The following DAB1 variants were observed in gnomAD, a reference collection of about 807,000 sequenced individuals.
DAB1 encodes DAB adaptor protein 1.
DAB1 carries 15 observed loss-of-function variants against 64.6 expected under a neutral mutation model. The ratio of observed to expected loss-of-function variants is 0.23; its 90% CI spans 0.16 to 0.36. The LOEUF (loss-of-function observed/expected upper bound fraction) is 0.36, where lower values mean the gene tolerates loss of function less well. Among genes scored for constraint, DAB1 ranks in the 10% least tolerant of loss-of-function variants. The pLI is 1.00. For missense variants in DAB1, 596 were observed against 706.7 expected (o/e 0.84, Z 1.78); for synonymous variants, 235 against 251.9 (o/e 0.93, Z 0.64).
chr1:57,764,648 T>C (rs1408139), intron 6 of DAB1, among the ~76,000 whole-genome samples: 30,613 of 152,088 alleles, frequency 0.2, 4,155 homozygotes, highest in East Asian at 0.5. Flanking sequence ...ATCAGTGGTT[T>C]TTAGCTTCCA....
At chr1:58,372,606 T>A (rs574719068) in intron 3 of DAB1, among the ~76,000 whole-genome samples, 2 of 152,278 alleles carry the variant, frequency 1.3e-5, no homozygotes, top group Admixed American at 6.5e-5. Context: ...AGAAGAATAA[T>A]ATGGTTTGTC....
At chr1:57,734,295 C>G (rs1647578453) in intron 6 of DAB1, among the ~76,000 whole-genome samples, 1 of 152,186 alleles carries the variant, frequency 6.6e-6, no homozygotes, top group Non-Finnish European at 1.5e-5. Flanking sequence ...AAAAGTCATA[C>G]CTTCCCCAGC....
Position 58,425,885 on chromosome 1 carries a change from G to C in DAB1, n.257+80175C>G, listed in dbSNP as rs1644817497. ...GCCCCAACCCTGAGGATGAGTGGGA[G>C]GCGAGAAATAAGAGACACAAAGTGC... On this transcript the variant is annotated intron_variant and non_coding_transcript_variant, in intron 3 of 20. Coordinates refer to the DAB1 transcript ENST00000485760. Among the ~76,000 whole-genome samples, 9 of 151,978 alleles carry C rather than the reference G, an allele frequency of 5.9e-5. No homozygotes were observed. The South Asian group carries it at 1.9e-3, about 32-fold the overall frequency.
intron 2 of DAB1, among the ~76,000 whole-genome samples, chr1:57,282,437 G>T (rs115305200): frequency 4.6e-5 from 7 of 152,064 alleles, no homozygotes; most frequent in African/African-American, 1.7e-4. Flanking sequence ...TATGCTGCCA[G>T]GGTTACAGTA....
intron 4 of DAB1, among the ~76,000 whole-genome samples, chr1:58,288,839 T>A (rs987050542): frequency 1.3e-5 from 2 of 152,200 alleles, no homozygotes; most frequent in Admixed American, 1.3e-4. Context: ...CTTAGACTTT[T>A]ATTGCTAAAG....
intron 4 of DAB1, among the ~76,000 whole-genome samples, chr1:58,246,799 A>C (rs1660555404): frequency 6.6e-6 from 1 of 151,948 alleles, no homozygotes; most frequent in South Asian, 2.1e-4. Flanking sequence ...GTGTGAATGT[A>C]ATGCGTACGC....
chr1:57,715,837 A>G (rs964902274), intron 6 of DAB1, among the ~76,000 whole-genome samples: 1 of 152,240 alleles, frequency 6.6e-6, no homozygotes, highest in Non-Finnish European at 1.5e-5. Flanking sequence ...GAAAATTAAT[A>G]TTGTTAACAA....
chr1:57,698,246 C>T (rs1356907946), intron 6 of DAB1, among the ~76,000 whole-genome samples: 4 of 149,966 alleles, frequency 2.7e-5, no homozygotes, highest in Non-Finnish European at 5.9e-5. Flanking sequence ...ACCACCATGC[C>T]CTCTAACTTT....
chr1:58,361,863 CTT>C (rs34029239), intron 3 of DAB1, among the ~76,000 whole-genome samples: 104 of 84,034 alleles, frequency 1.2e-3, no homozygotes, highest in African/African-American at 4.1e-3. Context: ...AAAGATCCCC[CTT>C]TTTTTTTTTT....
intron 2 of DAB1, among the ~76,000 whole-genome samples, chr1:57,231,710 T>C (rs1407666064): frequency 1.3e-5 from 2 of 152,234 alleles, no homozygotes; most frequent in Admixed American, 1.3e-4. Context: ...TAGTAAGTGA[T>C]GGTATCAGCT....
chr1:58,474,496 C>T (rs1218785825), intron 3 of DAB1, among the ~76,000 whole-genome samples: 1 of 152,036 alleles, frequency 6.6e-6, no homozygotes, highest in Non-Finnish European at 1.5e-5. Context: ...AGCTGGTGGC[C>T]CATGTGACTT....
chr1:58,180,281 C>CTTTTTTTTTTTTCTTTTTTTTTTTTTTTT (rs1656710462), intron 4 of DAB1, among the ~76,000 whole-genome samples: 1 of 61,002 alleles, frequency 1.6e-5, no homozygotes, highest in African/African-American at 7.1e-5. Flanking sequence ...TTTTTCTTTT[C>CTTTTTTTTTTTTCTTTTTTTTTTTTTTTT]TTTTTTTTTT....
intron 1 of DAB1, among the ~76,000 whole-genome samples, chr1:57,302,094 T>C (rs1341063654): frequency 6.6e-6 from 1 of 152,198 alleles, no homozygotes; most frequent in Non-Finnish European, 1.5e-5. Context: ...TACTGTAAAA[T>C]GGATACATGG....
At chr1:57,223,543 A>G (rs1667040245) in intron 2 of DAB1, among the ~76,000 whole-genome samples, 1 of 152,172 alleles carries the variant, frequency 6.6e-6, no homozygotes, top group Admixed American at 6.5e-5. Flanking sequence ...TACGTACATC[A>G]TTAAGTAGAA....
chr1:57,327,068 A>G (rs779964677), intron 1 of DAB1, among the ~76,000 whole-genome samples: 2 of 152,228 alleles, frequency 1.3e-5, no homozygotes, highest in South Asian at 2.1e-4. Context: ...CCCCCTGAGT[A>G]TCTGGGACTA....
intron 2 of DAB1, among the ~76,000 whole-genome samples, chr1:58,511,946 C>G (rs1646084188): frequency 6.6e-6 from 1 of 152,024 alleles, no homozygotes; most frequent in Admixed American, 6.6e-5. Context: ...CTCTGCACAG[C>G]TAAGGAAACA....
intron 3 of DAB1, among the ~76,000 whole-genome samples, chr1:58,349,167 T>C (rs1644027953): frequency 6.6e-6 from 1 of 152,174 alleles, no homozygotes; most frequent in African/African-American, 2.4e-5. Context: ...GGGCTTGGTT[T>C]GAGTATCTGA....
intron 1 of DAB1, among the ~76,000 whole-genome samples, chr1:57,864,175 A>G (rs1458030238): frequency 6.6e-6 from 1 of 152,202 alleles, no homozygotes; most frequent in Non-Finnish European, 1.5e-5. Context: ...ACCTGAGTGA[A>G]CCAAGCATGT....
intron 6 of DAB1, among the ~76,000 whole-genome samples, chr1:57,792,103 G>C (rs1417296019): frequency 6.6e-6 from 1 of 152,156 alleles, no homozygotes; most frequent in Non-Finnish European, 1.5e-5. Flanking sequence ...CTGAGGACTT[G>C]TTGAATGTGG....
Sources: gnomAD v4.1 joint callset for allele counts (sites outside exome capture counted in the v4.1 genomes callset) on GRCh38, gnomAD v4.1.1 for gene constraint, MANE v1.5 for transcripts, NCBI Gene and HGNC (gene_info 2026-07-23, HGNC 2026-07-21) for gene names.